The following NEDD9 variants were observed in gnomAD, a reference collection of about 807,000 sequenced individuals.
The protein encoded by NEDD9 is enhancer of filamentation 1.
In NEDD9, 26 loss-of-function variants were observed where a neutral mutation model predicts 76.6. The observed-to-expected ratio is 0.34, with a 90% confidence interval of 0.25 to 0.47. The LOEUF (loss-of-function observed/expected upper bound fraction) is 0.47, where lower values mean the gene tolerates loss of function less well. NEDD9 is among the 20% of genes least tolerant of loss of function. NEDD9 has a pLI of 1.00. For missense variants in NEDD9, 937 were observed against 1,058.5 expected (o/e 0.89, Z 1.59); for synonymous variants, 392 against 414.2 (o/e 0.95, Z 0.65).
chr6:11,248,788 A>G (rs2113302113), intron 3 of NEDD9: 1 of 261,306 alleles, frequency 3.8e-6, no homozygotes, highest in Non-Finnish European at 7.7e-6. Context: ...CTCGATGGGA[A>G]ACTGAGGCCC....
chr6:11,268,725 T>A (rs1760246377), intron 3 of NEDD9, among the ~76,000 whole-genome samples: 1 of 135,164 alleles, frequency 7.4e-6, no homozygotes, highest in Admixed American at 7.2e-5. Context: ...CGAAGCTCCA[T>A]CACACACACA....
At chr6:11,291,554 G>A (rs1447261953) in intron 3 of NEDD9, among the ~76,000 whole-genome samples, 1 of 152,140 alleles carries the variant, frequency 6.6e-6, no homozygotes, top group Non-Finnish European at 1.5e-5. Context: ...GATTACAGGC[G>A]TGAGCCACCG....
chr6:11,272,406 T>C (rs989528908), intron 3 of NEDD9, among the ~76,000 whole-genome samples: 1 of 152,220 alleles, frequency 6.6e-6, no homozygotes, highest in African/African-American at 2.4e-5. Flanking sequence ...ATGATCACCT[T>C]CTACTTTTAA....
chr6:11,299,030 T>G (rs1313438357), intron 3 of NEDD9, among the ~76,000 whole-genome samples: 1 of 152,094 alleles, frequency 6.6e-6, no homozygotes, highest in East Asian at 1.9e-4. Flanking sequence ...TGAAGCAGGG[T>G]GGGGCATTGC....
intron 2 of NEDD9, among the ~76,000 whole-genome samples, chr6:11,308,415 G>A (rs1034212759): frequency 1.4e-5 from 2 of 140,372 alleles, no homozygotes; most frequent in Admixed American, 7.7e-5. Context: ...TGTCACCCAG[G>A]CTGGAGTGCA....
rs202065635 is a variant in NEDD9 at position 11,185,490 on chromosome 6, A to G, written c.2177T>C (p.Ile726Thr). 32 of 1,614,208 alleles carry G rather than the reference A, an allele frequency of 2.0e-5. No individual in the cohort carries two copies. Among genetic ancestry groups the G allele is most frequent in the Middle Eastern group, 1.6e-4 (1 of 6,062 alleles). ...ETHFISLLNA[I>T]DALFSCVSSA... is the part of the protein sequence containing the mutation. ...GCTGACACAACTGAAGAGTGCGTCAATGGCGTTGAGAAGGGAAATGAAATG... is the reference window on the plus strand; with the variant it reads ...GCTGACACAACTGAAGAGTGCGTCAGTGGCGTTGAGAAGGGAAATGAAATG... Residue 726 changes from isoleucine (I) to threonine (T), a missense_variant, in exon 7 of 7, where the codon ATT becomes ACT. Ile to Thr is a moderately conservative substitution (Grantham distance 89). Transcript: ENST00000379446.
chr6:11,192,496 T>C, intron 3 of NEDD9, 50 bp from the exon 4 acceptor site: 3 of 1,341,236 alleles, frequency 2.2e-6, no homozygotes, highest in Non-Finnish European at 3.2e-6. Context: ...TTATACTTGG[T>C]CATTTTTTAT....
At chr6:11,349,760 GAACT>G (rs1247115535) in intron 1 of NEDD9, among the ~76,000 whole-genome samples, 2 of 152,154 alleles carry the variant, frequency 1.3e-5, no homozygotes, top group Non-Finnish European at 2.9e-5. Context: ...CACACACTGG[GAACT>G]AACTGAGGGT....
chr6:11,190,987 G>T lies in NEDD9; in HGVS notation c.882C>A (p.His294Gln). The T allele has an allele frequency of 6.2e-7, 1 of 1,613,990 alleles. No homozygotes were observed. The highest frequency in any genetic ancestry group is 8.5e-7 in the Non-Finnish European group (1 of 1,179,990). The change falls in exon 5 of 7, where the codon CAC becomes CAA. Residue 294 changes from histidine to glutamine, a missense_variant. Coordinates refer to ENST00000379446, the MANE Select transcript of NEDD9 (RefSeq NM_006403.4). The surrounding 1 kb of genome is among the most constrained non-coding windows in gnomAD (Gnocchi z 5.8). ...GTGGGTGATTCGGGGACAGGCTCTG[G>T]TGCCTTCGAGCCACCGGTTCTGCAG... ...PGAAEPVARR[H>Q]QSLSPNHPPP...
At chr6:11,257,810 T>TGTGTGTGTGTGTGCGC (rs1340885962) in intron 3 of NEDD9, among the ~76,000 whole-genome samples, 3 of 151,296 alleles carry the variant, frequency 2.0e-5, no homozygotes, top group African/African-American at 7.3e-5. Flanking sequence ...TGTGTGTGTG[T>TGTGTGTGTGTGTGCGC]GCAGTACGGC....
chr6:11,305,724 G>A (rs1010296127), intron 3 of NEDD9: 4 of 498,530 alleles, frequency 8.0e-6, no homozygotes, highest in Non-Finnish European at 1.1e-5. Context: ...TATGTTAAGT[G>A]GAATAATCTA....
chr6:11,268,084 C>T (rs920213813), intron 3 of NEDD9, among the ~76,000 whole-genome samples: 2 of 152,172 alleles, frequency 1.3e-5, no homozygotes, highest in African/African-American at 4.8e-5. Flanking sequence ...GGCTGGAGTG[C>T]AGTGGCGCGA....
intron 1 of NEDD9, among the ~76,000 whole-genome samples, chr6:11,226,400 G>A (rs760113416): frequency 3.3e-5 from 5 of 152,136 alleles, no homozygotes; most frequent in Non-Finnish European, 5.9e-5. Flanking sequence ...TTGTCTTGGC[G>A]AGAAGTCCTG....
At chr6:11,192,247 T>A in intron 4 of NEDD9, 98 bp downstream of exon 4, 1 of 690,508 alleles carries the variant, frequency 1.4e-6, no homozygotes, top group South Asian at 2.4e-5. Flanking sequence ...TCTTGTTTTA[T>A]TCGAGTGAAC....
chr6:11,318,760 G>A (rs967474050), intron 2 of NEDD9, among the ~76,000 whole-genome samples: 1 of 152,052 alleles, frequency 6.6e-6, no homozygotes, highest in African/African-American at 2.4e-5. Context: ...TGTCCTGTAG[G>A]CCAGCCCTGA....
intron 3 of NEDD9, among the ~76,000 whole-genome samples, chr6:11,286,069 C>T (rs144050484): frequency 5.9e-5 from 9 of 152,180 alleles, no homozygotes; most frequent in East Asian, 1.9e-4. Context: ...CAGACACTGG[C>T]GGAAAATGTT....
intron 2 of NEDD9, among the ~76,000 whole-genome samples, chr6:11,327,627 C>A (rs939489790): frequency 6.6e-6 from 1 of 152,210 alleles, no homozygotes; most frequent in Non-Finnish European, 1.5e-5. Context: ...GTGCCTCATG[C>A]TATAAAACAC....
chr6:11,277,200 A>G (rs1437930068), intron 3 of NEDD9, among the ~76,000 whole-genome samples: 1 of 152,244 alleles, frequency 6.6e-6, no homozygotes, highest in Non-Finnish European at 1.5e-5. Context: ...CCTTACACTT[A>G]AAATGGAAGC....
At chr6:11,360,698 G>A (rs923005847) in intron 1 of NEDD9, among the ~76,000 whole-genome samples, 1 of 152,156 alleles carries the variant, frequency 6.6e-6, no homozygotes, top group African/African-American at 2.4e-5. Context: ...GCAGCTGCCA[G>A]CATCATGCTT....
Sources: allele counts gnomAD v4.1 joint callset (sites outside exome capture counted in the v4.1 genomes callset), GRCh38; gene constraint gnomAD v4.1.1; non-coding constraint Gnocchi (gnomAD v3.1); transcripts MANE v1.5; gene names NCBI Gene and HGNC (gene_info 2026-07-23, HGNC 2026-07-21).